The following DLGAP2 variants were observed in gnomAD, a reference collection of about 807,000 sequenced individuals.
DLGAP2 encodes the protein disks large-associated protein 2.
Under a neutral mutation model 100.3 loss-of-function variants are expected in DLGAP2, and 26 were observed. The observed-to-expected ratio is 0.26, with a 90% CI of 0.19 to 0.36. The LOEUF is 0.36. DLGAP2 is among the 10% of genes least tolerant of loss of function. The pLI is 1.00. For missense variants in DLGAP2, 1,858 were observed against 1,453.2 expected (o/e 1.28, Z -4.53); for synonymous variants, 886 against 630.1 (o/e 1.41, Z -6.08).
intron 6 of DLGAP2, among the ~76,000 whole-genome samples, chr8:1,625,736 T>A (rs1407251893): frequency 2.0e-5 from 3 of 152,254 alleles, no homozygotes; most frequent in Admixed American, 6.5e-5. Flanking sequence ...AGCACTTTTT[T>A]AAAAATATGG....
At position 1,170,785 on chromosome 8, in the gene DLGAP2, T is replaced by G. The variant is rs553342835; in HGVS notation, c.74-88066T>G. ...TGATTCTTTTCTCTTTTTTTCTTTA[T>G]TAGTCTTGCTAGCGGTCTATCAATT... On this transcript the variant is annotated intron_variant, in intron 2 of 14. Transcript: ENST00000637795. Among the ~76,000 whole-genome samples, 365 of 149,448 alleles carry G rather than the reference T, an allele frequency of 2.4e-3. 5 individuals are homozygous for G. The highest frequency in any genetic ancestry group is 8.7e-3 in the African/African-American group (355 of 40,770).
At chr8:1,300,175 A>G (rs1453630633) in intron 3 of DLGAP2, 2 of 152,236 alleles carry the variant, frequency 1.3e-5, no homozygotes, top group Non-Finnish European at 2.9e-5. Flanking sequence ...GCCCCTAGCA[A>G]TGTTCAAAGC....
At chr8:1,414,191 A>G (rs906996599) in intron 3 of DLGAP2, among the ~76,000 whole-genome samples, 1 of 152,210 alleles carries the variant, frequency 6.6e-6, no homozygotes, top group Non-Finnish European at 1.5e-5. Context: ...TTATATTCGT[A>G]AAGATGGAAT....
At chr8:1,384,506 G>A (rs1221803284) in intron 3 of DLGAP2, among the ~76,000 whole-genome samples, 3 of 77,842 alleles carry the variant, frequency 3.9e-5, no homozygotes, top group African/African-American at 4.9e-5. Flanking sequence ...ACCGCGGCCT[G>A]TGCCCGGCCC....
intron 12 of DLGAP2, 111 bp from the exon 13 acceptor site, chr8:1,691,424 C>T: frequency 1.1e-6 from 1 of 873,100 alleles, no homozygotes; most frequent in East Asian, 2.7e-5. Context: ...ATGAAGTCGT[C>T]AGTTTTCATC....
intron 3 of DLGAP2, among the ~76,000 whole-genome samples, chr8:1,324,842 T>A (rs1800984145): frequency 6.6e-6 from 1 of 152,166 alleles, no homozygotes; most frequent in Admixed American, 6.6e-5. Flanking sequence ...TCCCGTGAAA[T>A]ACGGAGCTGA....
intron 1 of DLGAP2, chr8:891,297 G>C (rs1467787018): frequency 6.6e-6 from 1 of 152,540 alleles, no homozygotes; most frequent in African/African-American, 2.4e-5. Flanking sequence ...AAATGCTCAG[G>C]ATTTCAATAG....
At chr8:871,100 C>G (rs147111274) in intron 1 of DLGAP2, among the ~76,000 whole-genome samples, 17 of 152,326 alleles carry the variant, frequency 1.1e-4, no homozygotes, top group Admixed American at 3.9e-4. Flanking sequence ...CAGAGCCTGA[C>G]CACCTCTGGG....
chr8:1,640,125 T>G (rs1355091958), intron 8 of DLGAP2, among the ~76,000 whole-genome samples: 2 of 152,200 alleles, frequency 1.3e-5, no homozygotes, highest in African/African-American at 2.4e-5. Context: ...GTATAAATGG[T>G]GACATCCTTC....
intron 2 of DLGAP2, among the ~76,000 whole-genome samples, chr8:910,222 A>G (rs1364332263): frequency 1.3e-5 from 2 of 152,214 alleles, no homozygotes; most frequent in African/African-American, 4.8e-5. Flanking sequence ...TAACTTTGGG[A>G]TGAATCATCA....
intron 3 of DLGAP2, chr8:1,300,437 C>A (rs1346864398): frequency 6.6e-6 from 1 of 152,236 alleles, no homozygotes; most frequent in African/African-American, 2.4e-5. Context: ...AGATGCATAA[C>A]AGGAGGTGAA....
intron 12 of DLGAP2, among the ~76,000 whole-genome samples, chr8:1,683,771 T>C (rs1202004084): frequency 1.4e-5 from 2 of 141,294 alleles, no homozygotes. Context: ...GGGAGTAGCT[T>C]CAACACTTCC....
intron 2 of DLGAP2, among the ~76,000 whole-genome samples, chr8:1,254,587 C>T (rs183049505): frequency 5.3e-5 from 8 of 152,260 alleles, no homozygotes; most frequent in Non-Finnish European, 7.4e-5. Flanking sequence ...TGGCCTAAGA[C>T]GGCTTCTCGC....
chr8:1,064,547 C>T (rs1048378612), intron 2 of DLGAP2, among the ~76,000 whole-genome samples: 7 of 152,176 alleles, frequency 4.6e-5, no homozygotes, highest in African/African-American at 1.7e-4. Flanking sequence ...ACCTCAAAAC[C>T]ACCTGCAGTT....
At chr8:878,269 C>T (rs116212758) in intron 1 of DLGAP2, among the ~76,000 whole-genome samples, 1,644 of 152,088 alleles carry the variant, frequency 0.011, 38 homozygotes, top group African/African-American at 0.037. Context: ...TAGGAGAATA[C>T]GGGATATAGA....
At chr8:1,582,730 C>T (rs773987512) in intron 6 of DLGAP2, among the ~76,000 whole-genome samples, 5 of 152,158 alleles carry the variant, frequency 3.3e-5, no homozygotes, top group Non-Finnish European at 7.3e-5. Flanking sequence ...GCTGGGATTA[C>T]AAGTGTGCAC....
chr8:979,135 A>AT (rs1706281946), intron 2 of DLGAP2, among the ~76,000 whole-genome samples: 1 of 152,202 alleles, frequency 6.6e-6, no homozygotes, highest in South Asian at 2.1e-4. Context: ...TCTTGAATCC[A>AT]GGTGAGCTCA....
intron 7 of DLGAP2, 143 bp downstream of exon 7, chr8:1,627,030 G>T (rs35821406): frequency 3.8e-5 from 37 of 986,186 alleles, no homozygotes; most frequent in Non-Finnish European, 5.1e-5. Flanking sequence ...GGGTTCCCCT[G>T]GAATTAGCTC....
intron 2 of DLGAP2, among the ~76,000 whole-genome samples, chr8:1,147,240 T>G (rs1344192367): frequency 6.6e-6 from 1 of 152,194 alleles, no homozygotes; most frequent in Middle Eastern, 3.2e-3. Flanking sequence ...CTCATGCTAT[T>G]GTAAACTTTA....
Sources: gnomAD v4.1 joint callset for allele counts (sites outside exome capture counted in the v4.1 genomes callset) on GRCh38, gnomAD v4.1.1 for gene constraint, MANE v1.5 for transcripts, NCBI Gene and HGNC (gene_info 2026-07-23, HGNC 2026-07-21) for gene names.